ADH7: variants seen among roughly 807,000 people sequenced by gnomAD.
ADH7 encodes the protein alcohol dehydrogenase 7 (class IV), mu or sigma polypeptide.
ADH7 carries 41 observed loss-of-function variants against 34.4 expected under a neutral mutation model. The ratio of observed to expected loss-of-function variants is 1.19; its 90% CI spans 0.93 to 1.55. ADH7 has a LOEUF of 1.55. Among genes scored for constraint, ADH7 ranks in the 40% most tolerant of loss-of-function variants. The pLI, the probability that ADH7 is intolerant of heterozygous loss-of-function variation, is 0.00. For synonymous variants in ADH7, 180 were observed against 160.9 expected (o/e 1.12, Z -0.90); for missense variants, 540 against 461.2 (o/e 1.17, Z -1.56).
chr4:99,413,251 T>A, intron 8 of ADH7, 79 bp from the exon 9 acceptor site: 1 of 1,491,762 alleles, frequency 6.7e-7, no homozygotes, highest in South Asian at 1.2e-5. Context: ...TTGTCCTTTC[T>A]ATCTGTCATA....
chr4:99,417,456 T>G (rs1028155013), intron 7 of ADH7, among the ~76,000 whole-genome samples: 1 of 152,186 alleles, frequency 6.6e-6, no homozygotes, highest in Non-Finnish European at 1.5e-5. Context: ...TTTGCTCCAA[T>G]GTTACCTTAT....
Position 99,424,121 on chromosome 4 carries a change from T to G in ADH7, c.565-3328A>C, listed in dbSNP as rs540934791. 2.0e-5 allele frequency among the ~76,000 whole-genome samples: 3 copies of G among 152,162 alleles called. No individual in the cohort carries two copies. In the South Asian group the frequency reaches 6.2e-4, roughly 32 times the overall value. ...TGGCTAGCCAGTTTTCCCAGCACCA[T>G]TTATTAAATAGGGAATCCCTTCCCC... is the stretch of plus-strand genomic sequence containing the variant. On this transcript the variant is annotated intron_variant, in intron 5 of 8. Transcript: ENST00000437033.
chr4:99,429,354 C>G (rs756624690), intron 2 of ADH7, among the ~76,000 whole-genome samples, 178 bp downstream of exon 2: 2 of 152,126 alleles, frequency 1.3e-5, no homozygotes, highest in African/African-American at 2.4e-5. Flanking sequence ...ATAATGAACT[C>G]ATTAATTTCA....
At position 99,428,311 on chromosome 4, in the gene ADH7, C is replaced by G; in HGVS notation, c.260-137G>C. 4 of 1,221,574 alleles carry G rather than the reference C, an allele frequency of 3.3e-6. No individual in the cohort carries two copies. In the South Asian group the frequency reaches 5.9e-5, roughly 18 times the overall value. 75.7% of individuals were successfully genotyped at this position (1,221,574 alleles called of 1,614,324 possible). A position where few individuals can be genotyped will look rare whatever the true frequency, so the allele number is the denominator to read the frequency against. ...AGGTTTATAAACACCGTAAGGTTTGCCTTCTAAAGGTTGAGGTTTTGCCAA... is the reference window on the plus strand; with the variant it reads ...AGGTTTATAAACACCGTAAGGTTTGGCTTCTAAAGGTTGAGGTTTTGCCAA... On this transcript the variant is annotated intron_variant, in intron 3 of 8. Coordinates refer to ENST00000437033, the MANE Select transcript of ADH7 (RefSeq NM_000673.7).
In ADH7 at chr4:99,419,951, C is replaced by A. The variant is rs1684470029; in HGVS notation, c.825+582G>T. ...TTACGCTATGCCAGGTTGGAGCTTTCTAGTTCCAGGAATCTCAGATCTGTT... is the reference window on the plus strand; with the variant it reads ...TTACGCTATGCCAGGTTGGAGCTTTATAGTTCCAGGAATCTCAGATCTGTT... On this transcript the variant is annotated intron_variant, in intron 6 of 8. Coordinates refer to ENST00000437033, the MANE Select transcript of ADH7 (RefSeq NM_000673.7). 3.3e-5 allele frequency among the ~76,000 whole-genome samples: 5 copies of A among 152,168 alleles called. No homozygotes were observed. The South Asian group carries it at 1.0e-3, about 32-fold the overall frequency.
In ADH7 at chr4:99,429,611, A is replaced by T. The variant is rs759729825; in HGVS notation, c.41T>A (p.Val14Glu). The T allele has an allele frequency of 6.2e-7, 1 of 1,610,758 alleles. No individual in the cohort carries two copies. Among genetic ancestry groups the T allele is most frequent in the South Asian group, 1.1e-5 (1 of 90,434 alleles). Residue 14 changes from valine to glutamate, a missense_variant, in exon 2 of 9, where the codon GTG becomes GAG. Transcript: ENST00000437033. Reference protein sequence around the residue: ...AGKVIKCKAAVLWEQKQPFSI... With the variant: ...AGKVIKCKAAELWEQKQPFSI... Reference sequence around the variant, plus strand: ...GAAGGGTTGCTTCTGCTCCCAAAGCACAGCTGCTTTGCATTTAATAACCTA... The same window carrying T: ...GAAGGGTTGCTTCTGCTCCCAAAGCTCAGCTGCTTTGCATTTAATAACCTA...
Position 99,413,071 on chromosome 4 carries a change from T to C in ADH7, c.*77A>G. The C allele has an allele frequency of 1.4e-6, 2 of 1,433,654 alleles. No homozygotes were observed. Among genetic ancestry groups the C allele is most frequent in the Non-Finnish European group, 2.0e-6 (2 of 1,020,816 alleles). 88.8% of individuals were successfully genotyped at this position (1,433,654 alleles called of 1,614,324 possible). A position where few individuals can be genotyped will look rare whatever the true frequency, so the allele number is the denominator to read the frequency against. On this transcript the variant is annotated 3_prime_UTR_variant, in exon 9 of 9. Transcript: ENST00000437033. ...TGCTTGTATTTGTGAGACAGATACATGATTTCAGATGAGGGAACTCTCACA... is the reference window on the plus strand; with the variant it reads ...TGCTTGTATTTGTGAGACAGATACACGATTTCAGATGAGGGAACTCTCACA...
chr4:99,433,296 TTATAAATTG>T (rs1438791853), intron 1 of ADH7, among the ~76,000 whole-genome samples: 1 of 136,612 alleles, frequency 7.3e-6, no homozygotes, highest in Non-Finnish European at 1.7e-5. Context: ...TTAAAAATGT[TTATAAATTG>T]TTATAAATTG....
intron 8 of ADH7, 118 bp downstream of exon 8, chr4:99,415,360 A>G (rs1194516205): frequency 1.2e-5 from 13 of 1,096,030 alleles, no homozygotes; most frequent in Admixed American, 1.9e-5. Flanking sequence ...TAGCTGTATC[A>G]ATCTGGCTAG....
intron 6 of ADH7, among the ~76,000 whole-genome samples, chr4:99,419,486 G>GT (rs140580197): frequency 0.039 from 5,838 of 149,094 alleles, 370 homozygotes; most frequent in African/African-American, 0.13. Context: ...ATTTAGCGTA[G>GT]TTTTTTTTTT....
At chr4:99,428,467 C>T (rs1051292872) in intron 3 of ADH7, 25 bp downstream of exon 3, 1 of 1,602,154 alleles carries the variant, frequency 6.2e-7, no homozygotes, top group Admixed American at 1.7e-5. Flanking sequence ...TTATTTCAAA[C>T]TTGTGGTTTG....
At chr4:99,427,023 A>T (rs1721823516) in intron 5 of ADH7, among the ~76,000 whole-genome samples, 1 of 152,218 alleles carries the variant, frequency 6.6e-6, no homozygotes, top group Admixed American at 6.6e-5. Flanking sequence ...CTTCATGCTA[A>T]AAACTCTCAA....
Position 99,413,015 on chromosome 4 carries a change from G to T in ADH7, c.*133C>A. The T allele has an allele frequency of 2.3e-6, 2 of 869,648 alleles. No homozygotes were observed. The highest frequency in any genetic ancestry group is 1.8e-6 in the Non-Finnish European group (1 of 541,902). The allele number at this position is 869,648 out of a possible 1,614,324, so 53.9% of individuals were successfully genotyped here. A position where few individuals can be genotyped will look rare whatever the true frequency, so the allele number is the denominator to read the frequency against. On this transcript the variant is annotated 3_prime_UTR_variant, in exon 9 of 9. Coordinates refer to ENST00000437033, the MANE Select transcript of ADH7 (RefSeq NM_000673.7). ...ATAAAGGTTAATAATTCTTTATAAGGGTTCTATGTCTTCAACAAATCTTCT... is the reference window on the plus strand; with the variant it reads ...ATAAAGGTTAATAATTCTTTATAAGTGTTCTATGTCTTCAACAAATCTTCT...
chr4:99,419,986 T>G (rs992665937), intron 6 of ADH7, among the ~76,000 whole-genome samples: 18 of 152,176 alleles, frequency 1.2e-4, no homozygotes, highest in African/African-American at 4.1e-4. Flanking sequence ...TTTACAGGTC[T>G]AACTGAAGGT....
intron 5 of ADH7, among the ~76,000 whole-genome samples, chr4:99,425,168 C>A (rs1721769994): frequency 6.6e-6 from 1 of 151,378 alleles, no homozygotes; most frequent in South Asian, 2.1e-4. Context: ...GCAAAATAAC[C>A]AGCTAACATC....
intron 8 of ADH7, among the ~76,000 whole-genome samples, chr4:99,414,160 G>A (rs1303255471): frequency 1.3e-5 from 2 of 152,098 alleles, no homozygotes; most frequent in Non-Finnish European, 2.9e-5. Context: ...TAAGCTGTTA[G>A]TTTTGCTTAT....
rs1299613862 is a variant in ADH7 at position 99,428,116 on chromosome 4, G to T, written c.318C>A (p.Asn106Lys). ...TCCTAATGCAAAGGTTGCCATCTGG[G>T]TTGCGACAAGCATTGCATTCTCTAC... ...PQCRECNACR[N>K]PDGNLCIRSD... Residue 106 changes from asparagine (N) to lysine (K), a missense_variant, in exon 4 of 9, where the codon AAC becomes AAA. By Grantham distance (94) the Asn-to-Lys change is moderately conservative (BLOSUM62 0). Transcript: ENST00000437033. 11 of 1,613,948 alleles carry T rather than the reference G, an allele frequency of 6.8e-6. No individual in the cohort carries two copies. The Admixed American group carries it at 1.8e-4, about 27-fold the overall frequency.
intron 5 of ADH7, among the ~76,000 whole-genome samples, chr4:99,423,193 C>T (rs1258285098): frequency 1.3e-5 from 2 of 151,098 alleles, no homozygotes; most frequent in African/African-American, 4.9e-5. Flanking sequence ...CATGTCCCTA[C>T]AAAGGACATG....
chr4:99,420,523 T>A lies in ADH7; in HGVS notation c.825+10A>T. ...GGGTATTTTGTGGCTTCTCAAATTT[T>A]GGGTCTTACCATGGTTTCAAGATGC... is the stretch of plus-strand genomic sequence containing the variant. On this transcript the variant is annotated intron_variant, in intron 6 of 8. Coordinates refer to ENST00000437033, the MANE Select transcript of ADH7 (RefSeq NM_000673.7). 6.2e-7 allele frequency: 1 copy of A among 1,607,984 alleles called. No individual in the cohort carries two copies. Among genetic ancestry groups the A allele is most frequent in the Non-Finnish European group, 8.5e-7 (1 of 1,175,522 alleles).
Sources: allele counts gnomAD v4.1 joint callset (sites outside exome capture counted in the v4.1 genomes callset), GRCh38; gene constraint gnomAD v4.1.1; transcripts MANE v1.5; gene names NCBI Gene and HGNC (gene_info 2026-07-23, HGNC 2026-07-21).